Variants in UGT2B17 observed in about 807,000 individuals in gnomAD.
UGT2B17 encodes the protein UDP glucuronosyltransferase family 2 member B17.
In UGT2B17, 21 loss-of-function variants were observed where a neutral mutation model predicts 48.2. That is an observed-to-expected ratio of 0.44 (90% CI 0.31 to 0.63). The LOEUF is 0.63. Ranked by LOEUF, UGT2B17 falls within the 20% of genes least tolerant of loss-of-function variation. The pLI is 0.08. For missense variants in UGT2B17, 402 were observed against 696.1 expected (o/e 0.58, Z 4.75); for synonymous variants, 146 against 238.4 (o/e 0.61, Z 3.57).
intron 6 of UGT2B17, among the ~76,000 whole-genome samples, chr4:68,540,512 C>G (rs1324006304): frequency 7.9e-6 from 1 of 126,310 alleles, no homozygotes; most frequent in African/African-American, 2.7e-5. Context: ...TTAGTAGAGA[C>G]AGGGTTTCAC....
At position 68,543,607 on chromosome 4, in the gene UGT2B17, A is replaced by G. The variant is rs564853634; in HGVS notation, c.1314-5703T>C. On this transcript the variant is annotated intron_variant, in intron 6 of 6. Coordinates refer to ENST00000317746, the MANE Select transcript of UGT2B17 (RefSeq NM_001077.4). ...AGAATGACTTTGACGAGTTCAGAGA[A>G]GAAGGCTTCAGACGATCAAACTACT... is the stretch of plus-strand genomic sequence containing the variant. Among the ~76,000 whole-genome samples, 11 of 125,908 alleles carry G rather than the reference A, an allele frequency of 8.7e-5. 3 individuals are homozygous for G. The highest frequency in any genetic ancestry group is 7.6e-4 in the East Asian group (1 of 1,308). The allele number at this position is 125,908 out of a possible 152,430, so 82.6% of individuals were successfully genotyped here.
intron 1 of UGT2B17, among the ~76,000 whole-genome samples, chr4:68,569,641 G>A (rs1245622512): frequency 4.0e-5 from 5 of 125,428 alleles, no homozygotes; most frequent in African/African-American, 8.2e-5. Flanking sequence ...CATCAGCAGC[G>A]TGTGTCAGCA....
At chr4:68,575,914 C>T (rs1731366690) in intron 1 of UGT2B17, among the ~76,000 whole-genome samples, 37 bp downstream of exon 1, 1 of 126,450 alleles carries the variant, frequency 7.9e-6, no homozygotes, top group Admixed American at 8.0e-5. Flanking sequence ...TGCTTCTACT[C>T]AGGTGGAGTG....
chr4:68,543,989 A>C (rs1730742632), intron 6 of UGT2B17, among the ~76,000 whole-genome samples: 1 of 126,536 alleles, frequency 7.9e-6, no homozygotes, highest in Non-Finnish European at 1.7e-5. Flanking sequence ...GAGAATGGAA[A>C]CAAGTTGGAA....
In UGT2B17 at chr4:68,537,754, C is replaced by A. The variant is rs145103523; in HGVS notation, c.1464G>T (p.Gln488His). The change falls in exon 7 of 7, where the codon CAG becomes CAT. Residue 488 changes from glutamine to histidine, a missense_variant. Coordinates refer to ENST00000317746, the MANE Select transcript of UGT2B17 (RefSeq NM_001077.4). ...RVAAHNLTWI[Q>H]YHSLDVIAFL... ...ATGCTATCACATCCAAAGAGTGGTA[C>A]TGGATCCAGGTGAGGTTGTGGGCTG... is the stretch of plus-strand genomic sequence containing the variant. The A allele has an allele frequency of 7.2e-7, 1 of 1,379,844 alleles. No individual in the cohort carries two copies. The highest frequency in any genetic ancestry group is 9.5e-7 in the Non-Finnish European group (1 of 1,055,078). 85.5% of individuals were successfully genotyped at this position (1,379,844 alleles called of 1,614,324 possible). A position where few individuals can be genotyped will look rare whatever the true frequency, so the allele number is the denominator to read the frequency against.
chr4:68,558,228 A>T (rs1402506675), intron 4 of UGT2B17, among the ~76,000 whole-genome samples: 1 of 124,594 alleles, frequency 8.0e-6, no homozygotes, highest in Admixed American at 8.3e-5. Flanking sequence ...CAAAAATAAC[A>T]GTATACCTGT....
Position 68,575,112 on chromosome 4 carries a change from T to C in UGT2B17, c.-65+839A>G, listed in dbSNP as rs1296782063. 1.6e-5 allele frequency among the ~76,000 whole-genome samples: 2 copies of C among 124,680 alleles called. 1 individual carries two copies. 81.8% of individuals were successfully genotyped at this position (124,680 alleles called of 152,430 possible). On this transcript the variant is annotated intron_variant, in intron 1 of 6. Transcript: ENST00000317746. ...TCGCTTTTGTTGAAAACCTTGTAAG[T>C]TTGAAATTTCAATTATCCTTTGCTA...
At chr4:68,549,544 G>A (rs1371721913) in intron 6 of UGT2B17, among the ~76,000 whole-genome samples, 2 of 124,998 alleles carry the variant, frequency 1.6e-5, no homozygotes, top group Non-Finnish European at 3.4e-5. Context: ...GTAAGCACAT[G>A]AAAAGAGGGT....
At position 68,568,422 on chromosome 4, in the gene UGT2B17, C is replaced by T; in HGVS notation, c.63G>A (p.Gly21=). 5 of 1,371,080 alleles carry T rather than the reference C, an allele frequency of 3.6e-6. 1 individual carries two copies. The highest frequency in any genetic ancestry group is 4.7e-6 in the Non-Finnish European group (5 of 1,053,202). The allele number at this position is 1,371,080 out of a possible 1,614,324, so 84.9% of individuals were successfully genotyped here. ...LMQLSCYFSS[G]SCGKVLVWPT... The stretch of plus-strand genomic sequence containing the variant: ...GCCACACCAGCACCTTTCCACAACT[C>T]CCAGAGCTAAAGTAACAACTGAGCT... The change falls in exon 2 of 7, where the codon GGG becomes GGA. Residue 21 remains glycine, a synonymous_variant. Transcript: ENST00000317746.
intron 1 of UGT2B17, among the ~76,000 whole-genome samples, chr4:68,572,154 T>C (rs1731305150): frequency 7.9e-6 from 1 of 126,044 alleles, no homozygotes; most frequent in African/African-American, 2.7e-5. Context: ...TTGACAGATA[T>C]ACTTATTTTT....
At chr4:68,554,448 T>G (rs1560577911) in intron 4 of UGT2B17, among the ~76,000 whole-genome samples, 1 of 125,776 alleles carries the variant, frequency 8.0e-6, no homozygotes, top group Non-Finnish European at 1.7e-5. Flanking sequence ...AAAAATTTTC[T>G]TTTATTCTTG....
In UGT2B17 at chr4:68,566,240, A is replaced by G. The variant is rs1222025148; in HGVS notation, c.725-520T>C. Among the ~76,000 whole-genome samples the G allele has an allele frequency of 1.6e-5, 2 of 122,656 alleles. 1 individual carries two copies. 80.5% of individuals were successfully genotyped at this position (122,656 alleles called of 152,430 possible). ...TATAGTCATCATTTAATTTTTATGT[A>G]TTGCATATGTTGCTCATATGTATAT... On this transcript the variant is annotated intron_variant, in intron 2 of 6. Coordinates refer to ENST00000317746, the MANE Select transcript of UGT2B17 (RefSeq NM_001077.4).
intron 6 of UGT2B17, among the ~76,000 whole-genome samples, chr4:68,545,020 G>T (rs1262350335): frequency 8.0e-6 from 1 of 125,168 alleles, no homozygotes. Flanking sequence ...AGATCAACGA[G>T]AAAAAGTTAA....
rs1227249835 is a variant in UGT2B17, at chr4:68,554,087, A to G, written c.1006-2176T>C. On this transcript the variant is annotated intron_variant, in intron 4 of 6. Transcript: ENST00000317746. ...ATCACCCAGCATTTTGAGCCCTCTC[A>G]GAGGTCATACACCTCTGGAGGGAGA... 6.4e-5 allele frequency among the ~76,000 whole-genome samples: 8 copies of G among 125,788 alleles called. 4 individuals are homozygous for G. In the East Asian group the frequency reaches 6.1e-3, roughly 96 times the overall value. 82.5% of individuals were successfully genotyped at this position (125,788 alleles called of 152,430 possible). A position where few individuals can be genotyped will look rare whatever the true frequency, so the allele number is the denominator to read the frequency against.
intron 3 of UGT2B17, among the ~76,000 whole-genome samples, chr4:68,564,787 G>T (rs1410154930): frequency 8.0e-6 from 1 of 125,062 alleles, no homozygotes; most frequent in African/African-American, 2.7e-5. Context: ...TGCAGCCTCT[G>T]CCCCCAGACT....
chr4:68,566,463 T>C (rs1731203956), intron 2 of UGT2B17, among the ~76,000 whole-genome samples: 1 of 122,286 alleles, frequency 8.2e-6, no homozygotes, highest in African/African-American at 2.8e-5. Context: ...TGGCAGGTGA[T>C]TGGATCATGG....
rs770993631 is a variant in UGT2B17 at position 68,550,630 on chromosome 4, C to CA, written c.1313+46dup. 2.5e-5 allele frequency: 33 copies of CA among 1,311,980 alleles called. 8 individuals carry two copies. Among genetic ancestry groups the CA allele is most frequent in the East Asian group, 8.5e-5 (1 of 11,732 alleles). 81.3% of individuals were successfully genotyped at this position (1,311,980 alleles called of 1,614,324 possible). On this transcript the variant is annotated intron_variant, in intron 6 of 6. Transcript: ENST00000317746. ...GGTTCAAACTCATATTCACTGTTGA[C>CA]AAAATAATTTGTAAGTACCACCTGG... is the stretch of plus-strand genomic sequence containing the variant.
rs1260055299 is a variant in UGT2B17 at position 68,559,802 on chromosome 4, G to T, written c.1005+735C>A. On this transcript the variant is annotated intron_variant, in intron 4 of 6. Coordinates refer to ENST00000317746, the MANE Select transcript of UGT2B17 (RefSeq NM_001077.4). ...ATCTGATTCTTAGAGCATAGTCTTT[G>T]TTGGGCCACATTTAATAATGCACAT... is the stretch of plus-strand genomic sequence containing the variant. Among the ~76,000 whole-genome samples, 3 of 126,254 alleles carry T rather than the reference G, an allele frequency of 2.4e-5. 1 individual carries two copies. Among genetic ancestry groups the T allele is most frequent in the Non-Finnish European group, 5.0e-5 (3 of 59,586 alleles). 82.8% of individuals were successfully genotyped at this position (126,254 alleles called of 152,430 possible). A position where few individuals can be genotyped will look rare whatever the true frequency, so the allele number is the denominator to read the frequency against.
At chr4:68,543,066 CCTGT>C (rs1320809557) in intron 6 of UGT2B17, among the ~76,000 whole-genome samples, 5 of 126,058 alleles carry the variant, frequency 4.0e-5, no homozygotes, top group African/African-American at 1.4e-4. Flanking sequence ...CTTAAATGTC[CCTGT>C]CTGACAGCTT....
Sources: allele counts gnomAD v4.1 joint callset (sites outside exome capture counted in the v4.1 genomes callset), GRCh38; gene constraint gnomAD v4.1.1; transcripts MANE v1.5; gene names NCBI Gene and HGNC (gene_info 2026-07-23, HGNC 2026-07-21).